YIPF1: variants seen among roughly 807,000 people sequenced by gnomAD.
YIPF1 encodes the protein protein YIPF1.
A neutral mutation model predicts 37.0 loss-of-function variants in YIPF1; 22 were observed. That is an observed-to-expected ratio of 0.59 (90% CI 0.42 to 0.85). YIPF1 has a LOEUF of 0.85. Among genes scored for constraint, YIPF1 ranks in the 40% least tolerant of loss-of-function variants. YIPF1 has a pLI of 0.00. For missense variants in YIPF1, 355 were observed against 373.1 expected, an observed-to-expected ratio of 0.95 and a Z score of 0.40; for synonymous variants, 128 against 131.9, an observed-to-expected ratio of 0.97 and a Z score of 0.21.
intron 4 of YIPF1, among the ~76,000 whole-genome samples, chr1:53,881,178 G>A (rs1220434344): frequency 1.4e-5 from 2 of 146,662 alleles, no homozygotes; most frequent in African/African-American, 2.5e-5. Context: ...CAGGAGAATC[G>A]CTTGAACCCA....
At chr1:53,871,279 G>T in intron 7 of YIPF1, 93 bp downstream of exon 7, 1 of 1,052,510 alleles carries the variant, frequency 9.5e-7, no homozygotes, top group Non-Finnish European at 1.5e-6. Context: ...CAGGGCTGCA[G>T]CATCTAGAGA....
chr1:53,883,687 A>G (rs963783152), intron 3 of YIPF1, among the ~76,000 whole-genome samples: 1 of 152,226 alleles, frequency 6.6e-6, no homozygotes. Context: ...ATTTTAATGA[A>G]GGTTATTTTT....
Position 53,871,438 on chromosome 1 carries a change from T to G in YIPF1, c.415A>C (p.Asn139His), listed in dbSNP as rs1359143022. 1.2e-6 allele frequency: 2 copies of G among 1,613,958 alleles called. No homozygotes were observed. The highest frequency in any genetic ancestry group is 4.5e-5 in the East Asian group (2 of 44,892). Residue 139 changes from asparagine (N) to histidine (H), a missense_variant, in exon 7 of 11, where the codon AAT becomes CAT. Physicochemically the swap from Asn to His is moderately conservative, Grantham distance 68 (BLOSUM62 1). Transcript: ENST00000072644. The stretch of plus-strand genomic sequence containing the variant: ...AGATGGATCAAGAAGTTGGAAAGAT[T>G]CCCACTAATTGCTATGGCAAAGACC... ...TLVFAIAISGNLSNFLIHLGE... is the reference protein window; with the variant it reads ...TLVFAIAISGHLSNFLIHLGE...
chr1:53,860,203 G>T, intron 9 of YIPF1, 50 bp from the exon 10 acceptor site: 1 of 1,588,136 alleles, frequency 6.3e-7, no homozygotes, highest in Non-Finnish European at 8.6e-7. Context: ...AGTGGTCCGG[G>T]TAAGTGTTTT....
chr1:53,887,618 AG>A, intron 3 of YIPF1, among the ~76,000 whole-genome samples: 1 of 151,848 alleles, frequency 6.6e-6, no homozygotes, highest in Admixed American at 6.5e-5. Context: ...TTTGAAGACG[AG>A]GTTGACAGTA....
intron 9 of YIPF1, among the ~76,000 whole-genome samples, chr1:53,861,490 C>G (rs1000830281): frequency 6.6e-6 from 1 of 152,126 alleles, no homozygotes; most frequent in Non-Finnish European, 1.5e-5. Flanking sequence ...GTCGCTCCAC[C>G]TGCTTTGGCC....
intron 10 of YIPF1, among the ~76,000 whole-genome samples, chr1:53,852,699 G>T (rs1649626063): frequency 6.6e-6 from 1 of 152,090 alleles, no homozygotes; most frequent in African/African-American, 2.4e-5. Context: ...GATAATGGCA[G>T]GATATGAGGC....
intron 3 of YIPF1, among the ~76,000 whole-genome samples, chr1:53,885,618 C>T (rs1029043596): frequency 9.9e-5 from 15 of 151,852 alleles, no homozygotes; most frequent in Admixed American, 6.6e-4. Context: ...GTCAGGAGTT[C>T]GAGACCAGGC....
At position 53,873,586 on chromosome 1, in the gene YIPF1, G is replaced by C. The variant is rs868233023; in HGVS notation, c.365-2098C>G. 3.9e-5 allele frequency among the ~76,000 whole-genome samples: 6 copies of C among 152,208 alleles called. No homozygotes were observed. In the South Asian group the frequency reaches 6.2e-4, roughly 16 times the overall value. On this transcript the variant is annotated intron_variant, in intron 6 of 10. Transcript: ENST00000072644. ...CCAGCTACTCAGGACACTGAGGTGA[G>C]AGGGTCACTTGAGGCTAGGAGTTTG...
At chr1:53,864,697 A>G (rs1440101659) in intron 9 of YIPF1, among the ~76,000 whole-genome samples, 1 of 152,070 alleles carries the variant, frequency 6.6e-6, no homozygotes, top group African/African-American at 2.4e-5. Context: ...GGACCTTAAC[A>G]TTCTTGGACT....
rs372555346 is a variant in YIPF1 at position 53,866,941 on chromosome 1, A to T, written c.482-17T>A. The T allele has an allele frequency of 1.3e-6, 2 of 1,598,306 alleles. No individual in the cohort carries two copies. The highest frequency in any genetic ancestry group is 1.7e-6 in the Non-Finnish European group (2 of 1,173,456). On this transcript the variant is annotated splice_polypyrimidine_tract_variant and intron_variant, in intron 7 of 10. Transcript: ENST00000072644. ...CTATGGACACTGAGGATGACAGGAC[A>T]CAAGTTTCAATCTCCATCATGCCTT... is the stretch of plus-strand genomic sequence containing the variant.
chr1:53,858,966 A>T (rs1243271038), intron 10 of YIPF1, among the ~76,000 whole-genome samples: 3 of 152,118 alleles, frequency 2.0e-5, no homozygotes, highest in Non-Finnish European at 4.4e-5. Flanking sequence ...ATTTAATTCT[A>T]AGCCCCTGGT....
At chr1:53,889,582 C>A (rs1219661066) in intron 1 of YIPF1, 119 bp from the exon 2 acceptor site, 1 of 152,444 alleles carries the variant, frequency 6.6e-6, no homozygotes, top group Non-Finnish European at 1.5e-5. Context: ...TGTCGGCGAC[C>A]CTGCAGCCCG....
chr1:53,866,675 T>C (rs1650032804), intron 8 of YIPF1, 83 bp downstream of exon 8: 1 of 1,465,418 alleles, frequency 6.8e-7, no homozygotes, highest in Admixed American at 2.2e-5. Context: ...CTGGAAATAA[T>C]GATGGTAGGT....
Position 53,871,576 on chromosome 1 carries a change from T to C in YIPF1, c.365-88A>G. 3 of 1,101,236 alleles carry C rather than the reference T, an allele frequency of 2.7e-6. No individual in the cohort carries two copies. In the South Asian group the frequency reaches 4.3e-5, roughly 16 times the overall value. The allele number at this position is 1,101,236 out of a possible 1,614,324, so 68.2% of individuals were successfully genotyped here. ...AGAATTTCTTATCTTCCTCTTGTAT[T>C]CATGTTAGCAAAAGAAAATGAATTT... On this transcript the variant is annotated intron_variant, in intron 6 of 10. Transcript: ENST00000072644.
At chr1:53,872,126 A>C (rs766234811) in intron 6 of YIPF1, among the ~76,000 whole-genome samples, 38 of 152,074 alleles carry the variant, frequency 2.5e-4, no homozygotes, top group Non-Finnish European at 4.6e-4. Context: ...AAAAATTAAA[A>C]AAAGTAATAT....
chr1:53,852,675 A>T (rs149903609), intron 10 of YIPF1, among the ~76,000 whole-genome samples: 400 of 152,286 alleles, frequency 2.6e-3, no homozygotes, highest in African/African-American at 9.3e-3. Flanking sequence ...ATTGAAATGT[A>T]AGGTTATACA....
chr1:53,861,655 A>G, intron 9 of YIPF1, among the ~76,000 whole-genome samples: 1 of 119,552 alleles, frequency 8.4e-6, no homozygotes, highest in African/African-American at 3.2e-5. Flanking sequence ...GAAGGAAGGA[A>G]GGGAGGGGGG....
At chr1:53,862,074 A>G (rs1649898218) in intron 9 of YIPF1, among the ~76,000 whole-genome samples, 1 of 152,230 alleles carries the variant, frequency 6.6e-6, no homozygotes, top group South Asian at 2.1e-4. Flanking sequence ...TGATTCATTA[A>G]TTCCAAAAAT....
Sources: allele counts gnomAD v4.1 joint callset (sites outside exome capture counted in the v4.1 genomes callset), GRCh38; gene constraint gnomAD v4.1.1; transcripts MANE v1.5; gene names NCBI Gene and HGNC (gene_info 2026-07-23, HGNC 2026-07-21).